The following C4orf50 variants were observed in gnomAD, a reference collection of about 807,000 sequenced individuals.
The protein encoded by C4orf50 is uncharacterized protein C4orf50.
C4orf50 carries 80 observed loss-of-function variants against 77.2 expected under a neutral mutation model. That is an observed-to-expected ratio of 1.04 (90% CI 0.87 to 1.25). C4orf50 has a LOEUF of 1.25. C4orf50 is among the 50% of genes most tolerant of loss of function. The pLI, the probability that C4orf50 is intolerant of heterozygous loss-of-function variation, is 0.00. For missense variants in C4orf50, 1,257 were observed against 1,152.9 expected (o/e 1.09, Z -1.31); for synonymous variants, 532 against 465.3 (o/e 1.14, Z -1.84).
intron 33 of C4orf50, among the ~76,000 whole-genome samples, chr4:5,960,981 A>G (rs6855001): frequency 0.67 from 102,072 of 152,002 alleles, 35,105 homozygotes; most frequent in African/African-American, 0.75. Context: ...AACCCTGTTT[A>G]TACTAAAGCC....
exon 28 of C4orf50, chr4:5,988,932 A>T (rs1315610407): frequency 2.0e-6 from 3 of 1,535,512 alleles, no homozygotes; most frequent in East Asian, 2.4e-5. Context: ...ATTTCCTGAC[A>T]CTCTCAGACG....
At chr4:5,973,993 C>T in intron 30 of C4orf50, 152 bp from the exon 9 acceptor site, 1 of 646,926 alleles carries the variant, frequency 1.5e-6, no homozygotes, top group Non-Finnish European at 2.6e-6. Context: ...TGCGAAGCCT[C>T]CCTGCCCCCA....
chr4:5,975,883 T>A lies in C4orf50; in HGVS notation c.3921+16A>T. ...TTTGAAAGAGGCATTTCATGTTGAT[T>A]TTATGAACATATTACCTTCAGGGGA... On this transcript the variant is annotated intron_variant, in intron 30 of 33. Coordinates refer to ENST00000531445, the Ensembl canonical transcript of C4orf50. 7 of 1,591,704 alleles carry A rather than the reference T, an allele frequency of 4.4e-6. No homozygotes were observed. Among genetic ancestry groups the A allele is most frequent in the Non-Finnish European group, 6.0e-6 (7 of 1,159,526 alleles).
At chr4:5,902,638 GC>G (rs941491638) in intron 7 of C4orf50, 1 of 152,052 alleles carries the variant, frequency 6.6e-6, no homozygotes, top group African/African-American at 2.4e-5. Flanking sequence ...GAAAGGTGTG[GC>G]CCCTTTTCCT....
At chr4:5,928,479 T>C (rs1169847509) in intron 7 of C4orf50, among the ~76,000 whole-genome samples, 1 of 152,158 alleles carries the variant, frequency 6.6e-6, no homozygotes, top group Non-Finnish European at 1.5e-5. Context: ...AAGACCTTTG[T>C]TTGTTCTGAC....
At position 5,990,757 on chromosome 4, in the gene C4orf50, T is replaced by G. The variant is rs1175877310; in HGVS notation, c.1289A>C (p.Glu430Ala). 1.6e-4 allele frequency: 65 copies of G among 398,976 alleles called. No homozygotes were observed. In the East Asian group the frequency reaches 2.2e-3, roughly 14 times the overall value. 24.7% of individuals were successfully genotyped at this position (398,976 alleles called of 1,614,324 possible). A position where few individuals can be genotyped will look rare whatever the true frequency, so the allele number is the denominator to read the frequency against. The change falls in exon 28 of 34, where the codon GAG becomes GCG. Residue 430 changes from glutamate (E) to alanine (A), a missense_variant. Physicochemically the swap from Glu to Ala is moderately radical, Grantham distance 107. Transcript: ENST00000531445. Reference sequence around the variant, plus strand: ...GCGGAGGAGTGACTCGTCCAAGCACTCCTCTGGTGGGCAGCCACAGACCAG... The same window carrying G: ...GCGGAGGAGTGACTCGTCCAAGCACGCCTCTGGTGGGCAGCCACAGACCAG...
At chr4:6,004,048 G>GCTGATGGTGATGATGGTGATAGTGA (rs1722031251) in intron 25 of C4orf50, among the ~76,000 whole-genome samples, 1 of 52,326 alleles carries the variant, frequency 1.9e-5, no homozygotes, top group African/African-American at 7.3e-5. Flanking sequence ...GATGGTGATG[G>GCTGATGGTGATGATGGTGATAGTGA]TGATGATGGT....
chr4:5,968,643 A>G (rs961947670), intron 31 of C4orf50, among the ~76,000 whole-genome samples: 2 of 152,028 alleles, frequency 1.3e-5, no homozygotes, highest in African/African-American at 4.8e-5. Flanking sequence ...TCTGTCCTTC[A>G]AGGCCTGGTC....
chr4:5,963,132 G>A (rs933177577), intron 33 of C4orf50, among the ~76,000 whole-genome samples: 1 of 151,602 alleles, frequency 6.6e-6, no homozygotes, highest in Admixed American at 6.6e-5. Context: ...CCGAGTAGCT[G>A]AGACTACAGG....
rs1311594657 is a variant in C4orf50 at position 5,900,534 on chromosome 4, A to G, written c.*2475-2346T>C. 6.6e-6 allele frequency: 1 copy of G among 152,200 alleles called. No individual in the cohort carries two copies. Among genetic ancestry groups the G allele is most frequent in the Non-Finnish European group, 1.5e-5 (1 of 68,040 alleles). 9.4% of individuals were successfully genotyped at this position (152,200 alleles called of 1,614,324 possible). A position where few individuals can be genotyped will look rare whatever the true frequency, so the allele number is the denominator to read the frequency against. The stretch of plus-strand genomic sequence containing the variant: ...CACACAAAATGAAAGAATTCCTTAA[A>G]CTAACATCTATCACTAGATGATGCC... On this transcript the variant is annotated intron_variant, in intron 7 of 7. Coordinates refer to the C4orf50 transcript ENST00000324058. This position sits in a 1 kb window ranked among gnomAD's most constrained non-coding sequence, Gnocchi z 4.3.
intron 31 of C4orf50, among the ~76,000 whole-genome samples, chr4:5,972,311 A>G (rs1577950061): frequency 6.6e-6 from 1 of 152,098 alleles, no homozygotes; most frequent in African/African-American, 2.4e-5. Context: ...CCTGCTTTCA[A>G]TTTTATCTCA....
rs1280658558 is a variant in C4orf50 at position 6,000,139 on chromosome 4, C to T, written c.964-5663G>A. Reference sequence around the variant, plus strand: ...GTGCTGAAGACCTGCGTGTGGCTCTCGGTCCTCCTGGGTCACTCCCAGTCC... The same window carrying T: ...GTGCTGAAGACCTGCGTGTGGCTCTTGGTCCTCCTGGGTCACTCCCAGTCC... On this transcript the variant is annotated intron_variant, in intron 25 of 33. Coordinates refer to ENST00000531445, the Ensembl canonical transcript of C4orf50. The surrounding 1 kb of genome is among the most constrained non-coding windows in gnomAD (Gnocchi z 6.0). Among the ~76,000 whole-genome samples the T allele has an allele frequency of 3.3e-5, 5 of 152,122 alleles. No homozygotes were observed. Among genetic ancestry groups the T allele is most frequent in the Non-Finnish European group, 5.9e-5 (4 of 68,018 alleles).
chr4:5,943,951 G>A (rs1243600091), intron 7 of C4orf50, among the ~76,000 whole-genome samples: 2 of 152,290 alleles, frequency 1.3e-5, no homozygotes, highest in African/African-American at 2.4e-5. Context: ...GGGGGCCAAA[G>A]GTCTCCCTCA....
chr4:5,899,449 A>G (rs944177803), intron 7 of C4orf50: 1 of 152,242 alleles, frequency 6.6e-6, no homozygotes, highest in Admixed American at 6.5e-5. Context: ...GCCACAGCGG[A>G]GCTCAAAGCA....
intron 30 of C4orf50, among the ~76,000 whole-genome samples, chr4:5,974,232 C>A (rs773820852): frequency 6.6e-6 from 1 of 152,184 alleles, no homozygotes; most frequent in Non-Finnish European, 1.5e-5. Flanking sequence ...AGGCACCTAC[C>A]GAGTGTCATG....
At chr4:5,913,338 T>A (rs556260354) in intron 7 of C4orf50, among the ~76,000 whole-genome samples, 1 of 152,292 alleles carries the variant, frequency 6.6e-6, no homozygotes, top group East Asian at 1.9e-4. Flanking sequence ...GTGTCTCTAG[T>A]GTTCTGCACA....
At chr4:6,003,625 T>C (rs1216410967) in intron 25 of C4orf50, among the ~76,000 whole-genome samples, 1 of 142,538 alleles carries the variant, frequency 7.0e-6, no homozygotes, top group Non-Finnish European at 1.5e-5. Context: ...GTGATGGTGG[T>C]GATGACGGTG....
chr4:5,974,574 G>T (rs1720145481), intron 30 of C4orf50, among the ~76,000 whole-genome samples: 1 of 152,158 alleles, frequency 6.6e-6, no homozygotes, highest in African/African-American at 2.4e-5. Flanking sequence ...GACTCTGCAG[G>T]TCAGCGGGAG....
At chr4:5,990,311 A>G (rs1286661709) in exon 28 of C4orf50, 16 of 1,029,120 alleles carry the variant, frequency 1.6e-5, no homozygotes, top group Non-Finnish European at 2.0e-5. Flanking sequence ...CTTAGCTGGT[A>G]CTTGTCACCA....
Sources: gnomAD v4.1 joint callset for allele counts (sites outside exome capture counted in the v4.1 genomes callset) on GRCh38, gnomAD v4.1.1 for gene constraint, Gnocchi (gnomAD v3.1) non-coding constraint, MANE v1.5 for transcripts, NCBI Gene and HGNC (gene_info 2026-07-23, HGNC 2026-07-21) for gene names.